TCF12: variants seen among roughly 807,000 people sequenced by gnomAD.
The protein encoded by TCF12 is transcription factor 12, also known as DNA-binding protein HTF4.
In TCF12, 45 loss-of-function variants were observed where a neutral mutation model predicts 86.0. The observed-to-expected ratio is 0.52, with a 90% CI of 0.41 to 0.67. The LOEUF (loss-of-function observed/expected upper bound fraction) is 0.67, where lower values mean the gene tolerates loss of function less well. Among genes scored for constraint, TCF12 ranks in the 30% least tolerant of loss-of-function variants. TCF12 has a pLI of 0.00. For missense variants in TCF12, 881 were observed against 859.9 expected, an observed-to-expected ratio of 1.02 and a Z score of -0.31; for synonymous variants, 330 against 299.6, an observed-to-expected ratio of 1.10 and a Z score of -1.05.
At position 57,253,349 on chromosome 15, in the gene TCF12, C is replaced by A; in HGVS notation, c.1348C>A (p.Pro450Thr). The change falls in exon 16 of 21, where the codon CCT becomes ACT. Residue 450 changes from proline to threonine, a missense_variant. Around this residue, in one of 3 missense-constraint regions of TCF12, gnomAD observed 766 missense variants for 718.9 expected, o/e 1.07. Coordinates refer to ENST00000333725, the MANE Select transcript of TCF12 (RefSeq NM_207037.2). ...NHAVGPSTSL[P>T]AGHSDIHSLL... ...TGCTGTGGGACCTTCCACCAGTTTG[C>A]CTGCTGGTCACAGTGATATACATAG... 1 of 1,614,068 alleles carries A rather than the reference C, an allele frequency of 6.2e-7. No individual in the cohort carries two copies. The highest frequency in any genetic ancestry group is 8.5e-7 in the Non-Finnish European group (1 of 1,179,974).
At chr15:57,121,494 A>T (rs1432205583) in intron 5 of TCF12, among the ~76,000 whole-genome samples, 1 of 152,224 alleles carries the variant, frequency 6.6e-6, no homozygotes, top group Non-Finnish European at 1.5e-5. Flanking sequence ...TCACTATCAT[A>T]AATAGGATTA....
At chr15:56,971,510 A>G (rs1235517257) in intron 3 of TCF12, among the ~76,000 whole-genome samples, 1 of 152,166 alleles carries the variant, frequency 6.6e-6, no homozygotes, top group African/African-American at 2.4e-5. Context: ...AGTTCCCACC[A>G]TGGCCTGAAC....
At chr15:56,939,675 G>A (rs2060636611) in intron 3 of TCF12, among the ~76,000 whole-genome samples, 2 of 152,170 alleles carry the variant, frequency 1.3e-5, no homozygotes. Context: ...GGAGATGTGT[G>A]ATAGGTTGGT....
At chr15:57,126,221 A>G (rs1168818160) in intron 5 of TCF12, among the ~76,000 whole-genome samples, 1 of 152,178 alleles carries the variant, frequency 6.6e-6, no homozygotes, top group Non-Finnish European at 1.5e-5. Context: ...AGCTTGGTTG[A>G]CAGAGTGAGA....
chr15:57,104,442 T>TC (rs1276019689), intron 5 of TCF12, among the ~76,000 whole-genome samples: 22 of 133,884 alleles, frequency 1.6e-4, no homozygotes, highest in Non-Finnish European at 3.2e-4. Context: ...TTTCTTTTTT[T>TC]TTTTTTTTTT....
At chr15:57,097,190 T>C (rs2049383527) in intron 5 of TCF12, among the ~76,000 whole-genome samples, 2 of 152,138 alleles carry the variant, frequency 1.3e-5, no homozygotes, top group African/African-American at 2.4e-5. Flanking sequence ...AGTTACAAAA[T>C]ATGTAGAATC....
At chr15:57,004,846 C>G (rs538825147) in intron 3 of TCF12, among the ~76,000 whole-genome samples, 1 of 152,348 alleles carries the variant, frequency 6.6e-6, no homozygotes, top group South Asian at 2.1e-4. Flanking sequence ...TGAGCCACCG[C>G]ACCCGGCCCA....
At chr15:57,160,852 G>GT (rs397796528) in intron 5 of TCF12, among the ~76,000 whole-genome samples, 8,014 of 147,108 alleles carry the variant, frequency 0.054, 395 homozygotes, top group African/African-American at 0.13. Flanking sequence ...GCCCAGCTAA[G>GT]TTTTTTTTTT....
chr15:57,007,852 C>CCCTTCCTTCCTTCCTTCCTTCCTTCCTT (rs60825721), intron 3 of TCF12, among the ~76,000 whole-genome samples: 1 of 101,176 alleles, frequency 9.9e-6, no homozygotes, highest in Non-Finnish European at 2.0e-5. Context: ...CTCTTTCCCT[C>CCCTTCCTTCCTTCCTTCCTTCCTTCCTT]CCTTCCTTCC....
chr15:57,069,497 T>C (rs2069183873), intron 4 of TCF12, among the ~76,000 whole-genome samples: 1 of 152,254 alleles, frequency 6.6e-6, no homozygotes, highest in South Asian at 2.1e-4. Flanking sequence ...CTTTCTTCCC[T>C]CTGTGTTTTA....
intron 3 of TCF12, among the ~76,000 whole-genome samples, chr15:56,977,588 C>G (rs974037129): frequency 3.3e-5 from 5 of 151,362 alleles, no homozygotes; most frequent in Admixed American, 1.3e-4. Context: ...GAGAGAGAGA[C>G]ACACACACAC....
At chr15:57,006,997 T>G (rs1030702602) in intron 3 of TCF12, among the ~76,000 whole-genome samples, 7 of 152,166 alleles carry the variant, frequency 4.6e-5, no homozygotes, top group Non-Finnish European at 1.0e-4. Flanking sequence ...CCATGTTAAC[T>G]AGATTTTTTT....
intron 3 of TCF12, among the ~76,000 whole-genome samples, chr15:56,992,091 T>TA (rs1167630182): frequency 6.8e-6 from 1 of 147,850 alleles, no homozygotes; most frequent in African/African-American, 2.5e-5. Context: ...GTGTCTCTAC[T>TA]AAAAAAAAGC....
chr15:56,965,272 A>G (rs2061952365), intron 3 of TCF12, among the ~76,000 whole-genome samples: 1 of 152,180 alleles, frequency 6.6e-6, no homozygotes, highest in Non-Finnish European at 1.5e-5. Flanking sequence ...AAATATTGGT[A>G]AAAATGGCAA....
At chr15:57,071,659 A>G (rs1415808604) in intron 4 of TCF12, among the ~76,000 whole-genome samples, 7 of 152,156 alleles carry the variant, frequency 4.6e-5, no homozygotes, top group African/African-American at 1.7e-4. Context: ...ACAGCCCAAA[A>G]AACTTCTTAA....
Position 57,174,873 on chromosome 15 carries a change from T to C in TCF12, c.390+8407T>C, listed in dbSNP as rs538536564. Among the ~76,000 whole-genome samples the C allele has an allele frequency of 1.6e-4, 25 of 152,302 alleles. No individual in the cohort carries two copies. In the South Asian group the frequency reaches 4.8e-3, roughly 29 times the overall value. On this transcript the variant is annotated intron_variant, in intron 6 of 20. Transcript: ENST00000333725. Reference sequence around the variant, plus strand: ...CAAACATCTGTTGGAAGGCTTACTGTCACTTAGATGTTAGTTCTTCCTAAA... The same window carrying C: ...CAAACATCTGTTGGAAGGCTTACTGCCACTTAGATGTTAGTTCTTCCTAAA...
intron 3 of TCF12, among the ~76,000 whole-genome samples, chr15:56,936,552 C>G (rs2060478171): frequency 6.6e-6 from 1 of 152,098 alleles, no homozygotes; most frequent in South Asian, 2.1e-4. Flanking sequence ...AAGTCTTTGC[C>G]TAAGCCAATG....
At chr15:57,133,669 A>ATAGT (rs1387629209) in intron 5 of TCF12, among the ~76,000 whole-genome samples, 1 of 151,464 alleles carries the variant, frequency 6.6e-6, no homozygotes, top group Non-Finnish European at 1.5e-5. Context: ...TGCTGGCTGA[A>ATAGT]TAGTTACAGC....
intron 3 of TCF12, among the ~76,000 whole-genome samples, chr15:57,038,613 G>T (rs1296780682): frequency 6.6e-6 from 1 of 152,068 alleles, no homozygotes; most frequent in Admixed American, 6.5e-5. Flanking sequence ...GCCAAAGCAT[G>T]TCCTTCATTT....
Sources: gnomAD v4.1 joint callset for allele counts (sites outside exome capture counted in the v4.1 genomes callset) on GRCh38, gnomAD v4.1.1 for gene constraint, gnomAD v4.1.1 regional missense constraint, MANE v1.5 for transcripts, NCBI Gene and HGNC (gene_info 2026-07-23, HGNC 2026-07-21) for gene names.